Variants in SEPTIN6 observed in about 807,000 individuals in gnomAD.
The protein encoded by SEPTIN6 is septin 6.
In SEPTIN6, 8 loss-of-function variants were observed where a neutral mutation model predicts 33.6. The observed-to-expected ratio is 0.24, with a 90% CI of 0.14 to 0.43. SEPTIN6 has a LOEUF of 0.43. Ranked by LOEUF, SEPTIN6 falls within the 20% of genes least tolerant of loss-of-function variation. The probability of loss-of-function intolerance (pLI) is 1.00; values close to 1 mark genes in which losing one functional copy is unlikely to be tolerated. For missense variants in SEPTIN6, 250 were observed against 340.8 expected (o/e 0.73, Z 2.10); for synonymous variants, 131 against 140.0 (o/e 0.94, Z 0.45).
chrX:119,653,396 C>G (rs777727865), intron 3 of SEPTIN6, among the ~76,000 whole-genome samples: 6 of 112,438 alleles, frequency 5.3e-5, no homozygotes, highest in Admixed American at 4.7e-4. Flanking sequence ...CAAGAAATGG[C>G]ATTCAATTAC....
At chrX:119,669,370 T>C (rs1388802387) in intron 2 of SEPTIN6, among the ~76,000 whole-genome samples, 2 of 112,788 alleles carry the variant, frequency 1.8e-5, no homozygotes, top group Non-Finnish European at 3.8e-5. Flanking sequence ...CTAAAGTCTC[T>C]TCCAGTTCTG....
In SEPTIN6 at chrX:119,619,225, T is replaced by C. The variant is rs1484571398; in HGVS notation, c.*868A>G. On this transcript the variant is annotated 3_prime_UTR_variant, in exon 11 of 11. Coordinates refer to ENST00000394610, the MANE Select transcript of SEPTIN6 (RefSeq NM_145799.4). ...TATTCCTGCTACTGGCCTCACCTTATTGGGACAGTATGGAGCCCTTCCGGA... is the reference window on the plus strand; with the variant it reads ...TATTCCTGCTACTGGCCTCACCTTACTGGGACAGTATGGAGCCCTTCCGGA... The C allele has an allele frequency of 4.0e-5, 33 of 822,474 alleles. 1 individual carries two copies. The South Asian group carries it at 1.6e-3, about 40-fold the overall frequency. The allele number at this position is 822,474 out of a possible 1,213,427, so 67.8% of individuals were successfully genotyped here.
chrX:119,634,347 TGACA>T (rs1462229303), intron 7 of SEPTIN6, among the ~76,000 whole-genome samples: 1 of 96,816 alleles, frequency 1.0e-5, no homozygotes, highest in Non-Finnish European at 2.0e-5. Context: ...CCAGCCTGTG[TGACA>T]GAGTGAGACT....
chrX:119,646,031 C>T (rs959486466), intron 5 of SEPTIN6, among the ~76,000 whole-genome samples: 1 of 112,044 alleles, frequency 8.9e-6, no homozygotes, highest in Non-Finnish European at 1.9e-5. Context: ...GACTGCTTAG[C>T]CCAGTGAAAT....
chrX:119,675,656 G>C lies in SEPTIN6; in HGVS notation c.43C>G (p.Arg15Gly), dbSNP rs2054828993. ...DIARQVGEGC[R>G]TVPLAGHVGF... Reference sequence around the variant, plus strand: ...ACATGTCCAGCCAGGGGGACAGTTCGGCAACCTTCACCCTAATTTGGAAGG... The same window carrying C: ...ACATGTCCAGCCAGGGGGACAGTTCCGCAACCTTCACCCTAATTTGGAAGG... The change falls in exon 2 of 11, where the codon CGA (arginine) becomes GGA (glycine). Residue 15 changes from arginine to glycine, a missense_variant. Physicochemically the swap from Arg to Gly is moderately radical, Grantham distance 125 (BLOSUM62 -2). Transcript: ENST00000394610. 9.0e-7 allele frequency: 1 copy of C among 1,114,783 alleles called. No homozygotes were observed. Among genetic ancestry groups the C allele is most frequent in the Non-Finnish European group, 1.2e-6 (1 of 839,110 alleles). The allele number at this position is 1,114,783 out of a possible 1,213,427, so 91.9% of individuals were successfully genotyped here.
chrX:119,658,081 A>T (rs780194781), intron 3 of SEPTIN6, among the ~76,000 whole-genome samples: 2 of 112,097 alleles, frequency 1.8e-5, no homozygotes, highest in East Asian at 2.8e-4. Flanking sequence ...AAGCCGAGAT[A>T]GCGCCACTGC....
At position 119,637,085 on chromosome X, in the gene SEPTIN6, G is replaced by A. The variant is rs202165661; in HGVS notation, c.898C>T (p.Arg300Cys). 2.5e-6 allele frequency: 3 copies of A among 1,209,465 alleles called. No homozygotes were observed. Among genetic ancestry groups the A allele is most frequent in the East Asian group, 3.0e-5 (1 of 33,729 alleles). Reference protein sequence around the residue: ...THTRHYELYRRCKLEEMGFKD... With the variant: ...THTRHYELYRCCKLEEMGFKD... ...AAGCCCATCTCCTCCAGCTTACAGC[G>A]GCGATACAGCTCATAGTGCCGGGTG... The change falls in exon 7 of 11, where the codon CGC (arginine) becomes TGC (cysteine). Residue 300 changes from arginine to cysteine, a missense_variant. Arg to Cys is a radical substitution (Grantham distance 180, BLOSUM62 -3). Transcript: ENST00000394610.
At position 119,617,770 on chromosome X, in the gene SEPTIN6, G is replaced by T; in HGVS notation, c.*2323C>A. On this transcript the variant is annotated 3_prime_UTR_variant, in exon 11 of 11. Transcript: ENST00000394610. ...CTCGGTCAAGTCCCTTCCCTTCTCT[G>T]GGCCTTCATTTCCCCTTACGGAGTA... 1 of 776,057 alleles carries T rather than the reference G, an allele frequency of 1.3e-6. No individual in the cohort carries two copies. 64.0% of individuals were successfully genotyped at this position (776,057 alleles called of 1,213,427 possible). A position where few individuals can be genotyped will look rare whatever the true frequency, so the allele number is the denominator to read the frequency against.
chrX:119,686,611 G>A (rs767165838), intron 1 of SEPTIN6: 12 of 968,186 alleles, frequency 1.2e-5, no homozygotes, highest in African/African-American at 8.0e-5. Flanking sequence ...AGAAACCCAC[G>A]GTTTCAAATC....
At chrX:119,665,554 T>A (rs1265672219) in intron 2 of SEPTIN6, among the ~76,000 whole-genome samples, 1 of 111,129 alleles carries the variant, frequency 9.0e-6, no homozygotes, top group Non-Finnish European at 1.9e-5. Context: ...CTGGTGAAGG[T>A]TTTGGAAGCT....
At chrX:119,682,503 T>C (rs1475682265) in intron 1 of SEPTIN6, among the ~76,000 whole-genome samples, 4 of 110,747 alleles carry the variant, frequency 3.6e-5, no homozygotes, top group African/African-American at 9.9e-5. Context: ...TCACCTGTGG[T>C]TTTTAAATAC....
In SEPTIN6 at chrX:119,662,479, C is replaced by T. The variant is rs192946420; in HGVS notation, c.341+1003G>A. 4.7e-3 allele frequency among the ~76,000 whole-genome samples: 530 copies of T among 111,964 alleles called. 1 individual carries two copies. Among genetic ancestry groups the T allele is most frequent in the African/African-American group, 0.016 (501 of 30,818 alleles). On this transcript the variant is annotated intron_variant, in intron 3 of 10. Coordinates refer to ENST00000394610, the MANE Select transcript of SEPTIN6 (RefSeq NM_145799.4). ...TGCCTTCACAACCCCACACCAAGTG[C>T]CTACCAAGTCCTGTTGATATTTACC... is the stretch of plus-strand genomic sequence containing the variant.
chrX:119,628,297 T>C lies in SEPTIN6; in HGVS notation c.1280+1021A>G, dbSNP rs1391171214. On this transcript the variant is annotated intron_variant, in intron 9 of 10. Transcript: ENST00000394610. ...AATTTCTGTATTTTTTTTTTTTTTT[T>C]AGATGGAGTCTCGCTCTGTCGCCCA... Among the ~76,000 whole-genome samples, 218 of 98,810 alleles carry C rather than the reference T, an allele frequency of 2.2e-3. 2 individuals carry two copies. Among genetic ancestry groups the C allele is most frequent in the Non-Finnish European group, 3.2e-3 (158 of 49,819 alleles). The allele number at this position is 98,810 out of a possible 115,157, so 85.8% of individuals were successfully genotyped here. A position where few individuals can be genotyped will look rare whatever the true frequency, so the allele number is the denominator to read the frequency against.
At chrX:119,676,932 AACTT>A (rs1376959389) in intron 1 of SEPTIN6, among the ~76,000 whole-genome samples, 6 of 111,837 alleles carry the variant, frequency 5.4e-5, no homozygotes, top group African/African-American at 2.0e-4. Context: ...AAGTTACATA[AACTT>A]CTTAAGTTTT....
At chrX:119,663,741 T>C in intron 2 of SEPTIN6, 64 bp from the exon 3 acceptor site, 1 of 883,500 alleles carries the variant, frequency 1.1e-6, no homozygotes, top group Non-Finnish European at 1.6e-6. Flanking sequence ...TTACACATCA[T>C]GTTTCATATA....
downstream of SEPTIN6, chrX:119,616,838 G>A: frequency 1.9e-6 from 2 of 1,077,435 alleles, no homozygotes; most frequent in East Asian, 6.5e-5. Context: ...GCAATATTGA[G>A]GTAGCACAGA....
chrX:119,690,040 G>A (rs747994952), intron 1 of SEPTIN6, among the ~76,000 whole-genome samples: 75 of 111,542 alleles, frequency 6.7e-4, no homozygotes, highest in Non-Finnish European at 1.2e-3. Context: ...GATCACGAAC[G>A]TTTTTTAAAG....
downstream of SEPTIN6, chrX:119,616,727 A>G: frequency 8.3e-7 from 1 of 1,198,176 alleles, no homozygotes; most frequent in Non-Finnish European, 1.1e-6. Flanking sequence ...GCTGCTGAAG[A>G]CAAGATTAAA....
At chrX:119,647,848 T>C (rs2054289183) in intron 5 of SEPTIN6, among the ~76,000 whole-genome samples, 1 of 107,836 alleles carries the variant, frequency 9.3e-6, no homozygotes, top group African/African-American at 3.5e-5. Flanking sequence ...AGACGGGGTT[T>C]CTCCATGTTG....
Sources: allele counts gnomAD v4.1 joint callset (sites outside exome capture counted in the v4.1 genomes callset), GRCh38; gene constraint gnomAD v4.1.1; transcripts MANE v1.5; gene names NCBI Gene and HGNC (gene_info 2026-07-23, HGNC 2026-07-21).